The following HIVEP2 variants were observed in gnomAD, a reference collection of about 807,000 sequenced individuals.
The protein encoded by HIVEP2 is HIVEP zinc finger 2.
HIVEP2 carries 14 observed loss-of-function variants against 180.7 expected under a neutral mutation model. That is an observed-to-expected ratio of 0.08 (90% confidence interval 0.05 to 0.12). The LOEUF is 0.12. Ranked by LOEUF, HIVEP2 falls within the 10% of genes least tolerant of loss-of-function variation. The pLI is 1.00. For synonymous variants in HIVEP2, 1,184 were observed against 1,136.4 expected (o/e 1.04, Z -0.84); for missense variants, 2,579 against 3,008.5 (o/e 0.86, Z 3.34).
At chr6:142,824,594 G>C (rs1047225488) in intron 2 of HIVEP2, among the ~76,000 whole-genome samples, 5 of 152,160 alleles carry the variant, frequency 3.3e-5, no homozygotes, top group Non-Finnish European at 5.9e-5. Context: ...TCTCCTTCAA[G>C]ACTGTCACCA....
intron 1 of HIVEP2, among the ~76,000 whole-genome samples, chr6:142,852,569 T>C (rs1775711377): frequency 6.6e-6 from 1 of 152,176 alleles, no homozygotes; most frequent in Non-Finnish European, 1.5e-5. Context: ...CCTCCTATCA[T>C]GACCTGAAAT....
intron 1 of HIVEP2, among the ~76,000 whole-genome samples, chr6:142,867,329 G>A (rs1252823453): frequency 6.6e-6 from 1 of 152,058 alleles, no homozygotes; most frequent in African/African-American, 2.4e-5. Flanking sequence ...ATACAAGCCA[G>A]GCAATCATAT....
chr6:142,937,418 A>G (rs1778083332), intron 1 of HIVEP2, among the ~76,000 whole-genome samples: 2 of 152,194 alleles, frequency 1.3e-5, no homozygotes, highest in Non-Finnish European at 2.9e-5. Flanking sequence ...GGGTACAAAC[A>G]TTCTCATAAA....
chr6:142,760,911 T>C (rs959308555), intron 8 of HIVEP2, among the ~76,000 whole-genome samples: 3 of 152,116 alleles, frequency 2.0e-5, no homozygotes, highest in Admixed American at 6.6e-5. Context: ...ACTTTATATC[T>C]CAGACATCAT....
chr6:142,769,424 T>A (rs1004835983), intron 5 of HIVEP2, 128 bp downstream of exon 5: 3 of 802,922 alleles, frequency 3.7e-6, no homozygotes, highest in Non-Finnish European at 5.8e-6. Context: ...CCAGACTTTC[T>A]GAAAACGCCC....
chr6:142,883,023 A>G (rs1562277646), intron 1 of HIVEP2, among the ~76,000 whole-genome samples: 1 of 152,140 alleles, frequency 6.6e-6, no homozygotes. Context: ...GAAACCAAGT[A>G]TACAGGGAAA....
In HIVEP2 at chr6:142,770,177, G is replaced by A; in HGVS notation, c.4562C>T (p.Ser1521Phe). The change falls in exon 5 of 10, where the codon TCC (serine) becomes TTC (phenylalanine). Residue 1521 changes from serine (S) to phenylalanine (F), a missense_variant. Coordinates refer to ENST00000367603, the MANE Select transcript of HIVEP2 (RefSeq NM_006734.4). This position sits in a 1 kb window ranked among gnomAD's most constrained non-coding sequence, Gnocchi z 4.7. ...AACAGAAGGATAGTCTTGAGATGAG[G>A]AGGGCGACAGCGAGGAGAAGGAAGA... ...GSSSFSSLSP[S>F]SSQDYPSVSP... 1 of 1,614,226 alleles carries A rather than the reference G, an allele frequency of 6.2e-7. No homozygotes were observed. The highest frequency in any genetic ancestry group is 8.5e-7 in the Non-Finnish European group (1 of 1,180,044).
At chr6:142,767,271 G>A (rs564374080) in intron 6 of HIVEP2, among the ~76,000 whole-genome samples, 25 of 152,256 alleles carry the variant, frequency 1.6e-4, no homozygotes, top group South Asian at 2.1e-4. Context: ...TATTTCTCTC[G>A]TTTGTGTTAA....
At chr6:142,869,930 G>A (rs1776245677) in intron 1 of HIVEP2, among the ~76,000 whole-genome samples, 1 of 152,056 alleles carries the variant, frequency 6.6e-6, no homozygotes. Flanking sequence ...AAAAAGAGAA[G>A]ACTGACCCTT....
chr6:142,768,880 A>G (rs1326791516), intron 5 of HIVEP2, among the ~76,000 whole-genome samples: 2 of 152,194 alleles, frequency 1.3e-5, no homozygotes, highest in African/African-American at 4.8e-5. Context: ...TTAATTAAGG[A>G]AGTAGTCTCA....
At chr6:142,858,365 T>C (rs1450200741) in intron 1 of HIVEP2, among the ~76,000 whole-genome samples, 1 of 151,874 alleles carries the variant, frequency 6.6e-6, no homozygotes, top group Non-Finnish European at 1.5e-5. Flanking sequence ...CACACAGGCA[T>C]GAGTGCTGGG....
chr6:142,936,098 C>A (rs556800997), intron 1 of HIVEP2, among the ~76,000 whole-genome samples: 2 of 151,568 alleles, frequency 1.3e-5, no homozygotes, highest in Non-Finnish European at 2.9e-5. Context: ...GGTGACAGAC[C>A]GAGAACTTGT....
intron 7 of HIVEP2, among the ~76,000 whole-genome samples, chr6:142,764,436 C>G (rs1173440990): frequency 6.6e-6 from 1 of 152,218 alleles, no homozygotes; most frequent in African/African-American, 2.4e-5. Flanking sequence ...TTCTTCCCAG[C>G]TGCTGCCTTG....
intron 1 of HIVEP2, among the ~76,000 whole-genome samples, chr6:142,936,059 C>G (rs997780611): frequency 1.3e-5 from 2 of 151,738 alleles, no homozygotes; most frequent in Non-Finnish European, 2.9e-5. Flanking sequence ...TTGCAGTGAA[C>G]CGTGATCGCG....
chr6:142,755,614 G>A (rs965117414), intron 9 of HIVEP2, among the ~76,000 whole-genome samples: 2 of 152,200 alleles, frequency 1.3e-5, no homozygotes, highest in African/African-American at 2.4e-5. Flanking sequence ...TGGAACAGAA[G>A]TCAGAGAGAG....
chr6:142,810,791 A>C (rs1776678314), intron 2 of HIVEP2, among the ~76,000 whole-genome samples: 1 of 151,854 alleles, frequency 6.6e-6, no homozygotes, highest in Non-Finnish European at 1.5e-5. Flanking sequence ...AAAAAAAGAA[A>C]GAAAGAAACA....
At chr6:142,862,459 ATGTAT>A (rs1562269251) in intron 1 of HIVEP2, among the ~76,000 whole-genome samples, 1 of 128,694 alleles carries the variant, frequency 7.8e-6, no homozygotes, top group African/African-American at 2.7e-5. Context: ...AATCGATTAT[ATGTAT>A]CATATATTTT....
chr6:142,911,877 C>T (rs1001214977), intron 1 of HIVEP2, among the ~76,000 whole-genome samples: 2 of 152,074 alleles, frequency 1.3e-5, no homozygotes, highest in Non-Finnish European at 2.9e-5. Flanking sequence ...TTTAACTGAC[C>T]GCTCATCATT....
chr6:142,792,279 A>G (rs1293111085), intron 2 of HIVEP2, among the ~76,000 whole-genome samples: 2 of 152,216 alleles, frequency 1.3e-5, no homozygotes, highest in Non-Finnish European at 2.9e-5. Context: ...ATAAAGATTA[A>G]GAAGAAGTTT....
Sources: gnomAD v4.1 joint callset for allele counts (sites outside exome capture counted in the v4.1 genomes callset) on GRCh38, gnomAD v4.1.1 for gene constraint, Gnocchi (gnomAD v3.1) non-coding constraint, MANE v1.5 for transcripts, NCBI Gene and HGNC (gene_info 2026-07-23, HGNC 2026-07-21) for gene names.